Variants in ATP2A1 observed in about 807,000 individuals in gnomAD.
ATP2A1 encodes ATPase sarcoplasmic/endoplasmic reticulum Ca2+ transporting 1, also known as sarcoplasmic/endoplasmic reticulum calcium ATPase 1.
ATP2A1 carries 83 observed loss-of-function variants against 109.5 expected under a neutral mutation model. The ratio of observed to expected loss-of-function variants is 0.76; its 90% CI spans 0.63 to 0.91. ATP2A1 has a LOEUF of 0.91. ATP2A1 is among the 40% of genes least tolerant of loss of function. The pLI is 0.00. For synonymous variants in ATP2A1, 505 were observed against 537.6 expected (o/e 0.94, Z 0.84); for missense variants, 1,101 against 1,341.0 (o/e 0.82, Z 2.80).
chr16:28,894,858 G>A lies in ATP2A1; in HGVS notation c.1324G>A (p.Glu442Lys), dbSNP rs772006459. 6.8e-6 allele frequency: 11 copies of A among 1,611,436 alleles called. No individual in the cohort carries two copies. The highest frequency in any genetic ancestry group is 2.2e-5 in the East Asian group (1 of 44,856). The stretch of plus-strand genomic sequence containing the variant: ...CTATGAGAAGGTCGGCGAGGCCACC[G>A]AGACAGCACTCACCACCCTGGTGGA... ...GVYEKVGEAT[E>K]TALTTLVEKM... Residue 442 changes from glutamate to lysine, a missense_variant, in exon 12 of 23, where the codon GAG becomes AAG. Glu to Lys is a moderately conservative substitution (Grantham distance 56). Transcript: ENST00000395503.
intron 9 of ATP2A1, among the ~76,000 whole-genome samples, chr16:28,893,311 T>G (rs957608581): frequency 2.7e-5 from 4 of 149,174 alleles, no homozygotes; most frequent in African/African-American, 9.9e-5. Context: ...TAGGCTGAGG[T>G]GGGAGGATCA....
chr16:28,902,680 C>A lies in ATP2A1; in HGVS notation c.2610+15C>A. 3 of 1,613,958 alleles carry A rather than the reference C, an allele frequency of 1.9e-6. No homozygotes were observed. The highest frequency in any genetic ancestry group is 2.5e-6 in the Non-Finnish European group (3 of 1,179,940). ...ACAGCCAGCTGGTAGGGGGAGGCCA[C>A]AAAGGAGGGGACCAGGAGGGTGTGG... On this transcript the variant is annotated intron_variant, in intron 18 of 22. Transcript: ENST00000395503. This position sits in a 1 kb window ranked among gnomAD's most constrained non-coding sequence, Gnocchi z 4.8.
At position 28,903,337 on chromosome 16, in the gene ATP2A1, C is replaced by T; in HGVS notation, c.2877C>T (p.Leu959=). 6.2e-7 allele frequency: 1 copy of T among 1,613,602 alleles called. No individual in the cohort carries two copies. The highest frequency in any genetic ancestry group is 8.5e-7 in the Non-Finnish European group (1 of 1,179,748). The change falls in exon 21 of 23, where the codon CTC becomes CTT. Residue 959 remains leucine (L), a synonymous_variant. Coordinates refer to ENST00000395503, the MANE Select transcript of ATP2A1 (RefSeq NM_004320.6). This position sits in a 1 kb window ranked among gnomAD's most constrained non-coding sequence, Gnocchi z 5.6. ...YVDPLPMIFK[L]RALDLTQWLM... is the part of the protein sequence containing the mutation. ...CCCTGCCCCAGATGATCTTCAAGCT[C>T]CGGGCCCTGGACCTCACCCAGTGGC...
rs1964109028 is a variant in ATP2A1, at chr16:28,902,497, G to C, written c.2525-83G>C. 3 of 1,566,518 alleles carry C rather than the reference G, an allele frequency of 1.9e-6. No individual in the cohort carries two copies. The highest frequency in any genetic ancestry group is 2.0e-4 in the Middle Eastern group (1 of 4,966). ...GAGGGTCTTCTTCCTTGGCCAGCCT[G>C]TCCATGGCCACATGAGGCCCTCAAC... is the stretch of plus-strand genomic sequence containing the variant. On this transcript the variant is annotated intron_variant, in intron 17 of 22. Transcript: ENST00000395503. This position sits in a 1 kb window ranked among gnomAD's most constrained non-coding sequence, Gnocchi z 4.8.
Position 28,898,308 on chromosome 16 carries a change from G to T in ATP2A1, c.1621G>T (p.Val541Leu), listed in dbSNP as rs1223130958. 1.2e-6 allele frequency: 2 copies of T among 1,614,132 alleles called. No homozygotes were observed. ...GTTRVPLTGPVKEKIMAVIKE... is the reference protein window; with the variant it reads ...GTTRVPLTGPLKEKIMAVIKE... ...CACCCGGGTGCCACTGACGGGGCCGGTGAAGGAAAAGATCATGGCGGTGAT... is the reference window on the plus strand; with the variant it reads ...CACCCGGGTGCCACTGACGGGGCCGTTGAAGGAAAAGATCATGGCGGTGAT... Residue 541 changes from valine to leucine, a missense_variant, in exon 14 of 23, where the codon GTG becomes TTG. Coordinates refer to ENST00000395503, the MANE Select transcript of ATP2A1 (RefSeq NM_004320.6). The surrounding 1 kb of genome is among the most constrained non-coding windows in gnomAD (Gnocchi z 4.0).
In ATP2A1 at chr16:28,883,664, G is replaced by A. The variant is rs576192822; in HGVS notation, c.464-911G>A. On this transcript the variant is annotated intron_variant, in intron 5 of 22. Coordinates refer to ENST00000395503, the MANE Select transcript of ATP2A1 (RefSeq NM_004320.6). This position sits in a 1 kb window ranked among gnomAD's most constrained non-coding sequence, Gnocchi z 5.2. ...TGGGCATCCACCTCTCCAGCCCCCC[G>A]ACAAGGTGGTTTCCATGGCCTGCCA... 2.8e-4 allele frequency among the ~76,000 whole-genome samples: 42 copies of A among 152,090 alleles called. No individual in the cohort carries two copies. The South Asian group carries it at 7.5e-3, about 27-fold the overall frequency.
chr16:28,903,554 G>T lies in ATP2A1; in HGVS notation c.2980+114G>T. The T allele has an allele frequency of 8.0e-7, 1 of 1,248,078 alleles. No individual in the cohort carries two copies. The highest frequency in any genetic ancestry group is 2.3e-5 in the East Asian group (1 of 43,118). The allele number at this position is 1,248,078 out of a possible 1,614,324, so 77.3% of individuals were successfully genotyped here. A position where few individuals can be genotyped will look rare whatever the true frequency, so the allele number is the denominator to read the frequency against. ...GTGGTAAGTTTCTCAGCCCTGGCAG[G>T]ACCTGTGTCCGCCCCGTTCCCCCTG... On this transcript the variant is annotated intron_variant, in intron 21 of 22. Transcript: ENST00000395503. This position sits in a 1 kb window ranked among gnomAD's most constrained non-coding sequence, Gnocchi z 5.6.
At position 28,887,232 on chromosome 16, in the gene ATP2A1, C is replaced by A. The variant is rs1438007737; in HGVS notation, c.588C>A (p.Asp196Glu). Residue 196 changes from aspartate to glutamate, a missense_variant, in exon 7 of 23, where the codon GAC (aspartate) becomes GAA (glutamate). Coordinates refer to ENST00000395503, the MANE Select transcript of ATP2A1 (RefSeq NM_004320.6). ...SVIKHTEPVPDPRAVNQDKKN... is the reference protein window; with the variant it reads ...SVIKHTEPVPEPRAVNQDKKN... ...TCAAACACACGGAGCCCGTTCCTGA[C>A]CCCCGAGCTGTCAACCAGGACAAGA... 6.2e-7 allele frequency: 1 copy of A among 1,613,940 alleles called. No individual in the cohort carries two copies.
In ATP2A1 at chr16:28,878,656, C is replaced by T. The variant is rs776412867; in HGVS notation, c.-16C>T. On this transcript the variant is annotated 5_prime_UTR_variant, in exon 1 of 23. Transcript: ENST00000395503. ...GGAAGGAACACACCGGCCCCGGCCC[C>T]CAGGAAGGGAGCACAATGGAGGCCG... is the stretch of plus-strand genomic sequence containing the variant. The T allele has an allele frequency of 2.5e-6, 4 of 1,585,390 alleles. No individual in the cohort carries two copies. The South Asian group carries it at 4.6e-5, about 18-fold the overall frequency.
In ATP2A1 at chr16:28,880,794, C is replaced by A; in HGVS notation, c.220-121C>A. The A allele has an allele frequency of 1.0e-6, 1 of 975,210 alleles. No homozygotes were observed. The allele number at this position is 975,210 out of a possible 1,614,324, so 60.4% of individuals were successfully genotyped here. A position where few individuals can be genotyped will look rare whatever the true frequency, so the allele number is the denominator to read the frequency against. Reference sequence around the variant, plus strand: ...GGGGCCACAGCGCCCCGACGGTGCCCGGCCCTCCTGCTGGCTCCTGCACTC... The same window carrying A: ...GGGGCCACAGCGCCCCGACGGTGCCAGGCCCTCCTGCTGGCTCCTGCACTC... On this transcript the variant is annotated intron_variant, in intron 3 of 22. Transcript: ENST00000395503. This position sits in a 1 kb window ranked among gnomAD's most constrained non-coding sequence, Gnocchi z 4.2.
chr16:28,885,008 G>C (rs1963580321), intron 6 of ATP2A1, among the ~76,000 whole-genome samples: 1 of 152,126 alleles, frequency 6.6e-6, no homozygotes, highest in African/African-American at 2.4e-5. Context: ...GGAGGCCGAG[G>C]TGGGTGGATC....
At chr16:28,887,306 C>G in intron 7 of ATP2A1, 32 bp downstream of exon 7, 5 of 1,613,386 alleles carry the variant, frequency 3.1e-6, no homozygotes, top group Non-Finnish European at 4.2e-6. Context: ...ATCACACACT[C>G]AGTCAAGCCA....
chr16:28,900,248 C>T (rs1342823594), intron 14 of ATP2A1, among the ~76,000 whole-genome samples: 1 of 150,778 alleles, frequency 6.6e-6, no homozygotes, highest in East Asian at 2.0e-4. Flanking sequence ...CTGCAGTGAG[C>T]TATGATCGCA....
intron 2 of ATP2A1, 127 bp downstream of exon 2, chr16:28,879,243 C>A: frequency 7.7e-7 from 1 of 1,297,582 alleles, no homozygotes; most frequent in Non-Finnish European, 1.1e-6. Flanking sequence ...AATCTCCCTC[C>A]CTAAAGGTTA....
At chr16:28,893,558 C>T (rs1346850283) in intron 9 of ATP2A1, among the ~76,000 whole-genome samples, 14 of 152,024 alleles carry the variant, frequency 9.2e-5, no homozygotes, top group Non-Finnish European at 2.1e-4. Flanking sequence ...CCACAGTCCC[C>T]ACCATACCTT....
chr16:28,881,424 GT>G, intron 4 of ATP2A1: 1 of 284,354 alleles, frequency 3.5e-6, no homozygotes, highest in Non-Finnish European at 6.8e-6. Context: ...GTTTTGTTTT[GT>G]TTTTAGGTCA....
chr16:28,888,771 C>T lies in ATP2A1; in HGVS notation c.929-16C>T. 1.3e-6 allele frequency: 2 copies of T among 1,596,644 alleles called. No homozygotes were observed. Among genetic ancestry groups the T allele is most frequent in the Non-Finnish European group, 1.7e-6 (2 of 1,167,932 alleles). ...CCCCTTGCAGGTTCCCTCACACCCT[C>T]CCTCCCTCCCCACAGGTCTTCCTGC... On this transcript the variant is annotated splice_polypyrimidine_tract_variant and intron_variant, in intron 8 of 22. Coordinates refer to ENST00000395503, the MANE Select transcript of ATP2A1 (RefSeq NM_004320.6).
intron 9 of ATP2A1, among the ~76,000 whole-genome samples, chr16:28,890,162 G>GAAATA (rs552399870): frequency 4.0e-5 from 6 of 151,796 alleles, no homozygotes; most frequent in Non-Finnish European, 7.4e-5. Context: ...GAAATGAAAT[G>GAAATA]AAATAAAATA....
In ATP2A1 at chr16:28,903,473, C is replaced by CCCCACCACAGCCCCTTCCCCATGACGCCG; in HGVS notation, c.2980+37_2980+65dup. 1 of 1,573,136 alleles carries CCCCACCACAGCCCCTTCCCCATGACGCCG rather than the reference C, an allele frequency of 6.4e-7. No homozygotes were observed. Among genetic ancestry groups the CCCCACCACAGCCCCTTCCCCATGACGCCG allele is most frequent in the East Asian group, 2.2e-5 (1 of 44,656 alleles). ...GTGCCCTCTCTGTCCCAAGCCCTGGCCCCACCACAGCCCCTTCCCCATGAC... is the reference window on the plus strand; with the variant it reads ...GTGCCCTCTCTGTCCCAAGCCCTGGCCCCACCACAGCCCCTTCCCCATGACGCCGCCCACCACAGCCCCTTCCCCATGAC... On this transcript the variant is annotated intron_variant, in intron 21 of 22. Coordinates refer to ENST00000395503, the MANE Select transcript of ATP2A1 (RefSeq NM_004320.6). This position sits in a 1 kb window ranked among gnomAD's most constrained non-coding sequence, Gnocchi z 5.6.
Sources: allele counts gnomAD v4.1 joint callset (sites outside exome capture counted in the v4.1 genomes callset), GRCh38; gene constraint gnomAD v4.1.1; non-coding constraint Gnocchi (gnomAD v3.1); transcripts MANE v1.5; gene names NCBI Gene and HGNC (gene_info 2026-07-23, HGNC 2026-07-21).